MED27: variants seen among roughly 807,000 people sequenced by gnomAD.
The protein encoded by MED27 is mediator complex subunit 27.
Under a neutral mutation model 38.2 loss-of-function variants are expected in MED27, and 30 were observed. The ratio of observed to expected loss-of-function variants is 0.79; its 90% confidence interval spans 0.59 to 1.07. The LOEUF (loss-of-function observed/expected upper bound fraction) is 1.07. MED27 is among the 50% of genes least tolerant of loss of function. The probability of loss-of-function intolerance (pLI) is 0.00; values close to 1 mark genes in which losing one functional copy is unlikely to be tolerated. For synonymous variants in MED27, 122 were observed against 153.5 expected, an observed-to-expected ratio of 0.79 and a Z score of 1.52; for missense variants, 289 against 397.5, an observed-to-expected ratio of 0.73 and a Z score of 2.32.
intron 3 of MED27, among the ~76,000 whole-genome samples, chr9:131,980,642 C>G (rs1286625293): frequency 1.3e-5 from 2 of 152,060 alleles, no homozygotes; most frequent in Non-Finnish European, 2.9e-5. Context: ...GCACAATATT[C>G]CATCATTTTA....
intron 4 of MED27, among the ~76,000 whole-genome samples, chr9:131,936,022 A>C (rs1012952415): frequency 6.6e-6 from 1 of 151,488 alleles, no homozygotes; most frequent in African/African-American, 2.4e-5. Context: ...GGTCCCAGCT[A>C]CTCAGGAGGC....
At chr9:132,026,816 A>G (rs899528910) in intron 2 of MED27, among the ~76,000 whole-genome samples, 2 of 152,120 alleles carry the variant, frequency 1.3e-5, no homozygotes, top group African/African-American at 4.8e-5. Context: ...TGTATACAGG[A>G]CTCACTATGA....
intron 3 of MED27, among the ~76,000 whole-genome samples, chr9:131,961,684 G>A (rs186272440): frequency 3.3e-5 from 5 of 152,342 alleles, no homozygotes; most frequent in South Asian, 2.1e-4. Flanking sequence ...GTGAACTAGC[G>A]AAGGAGCCTC....
intron 2 of MED27, among the ~76,000 whole-genome samples, chr9:132,058,227 C>CTCTG (rs1470793213): frequency 6.6e-6 from 1 of 152,168 alleles, no homozygotes; most frequent in Non-Finnish European, 1.5e-5. Context: ...CTCCCTCTTC[C>CTCTG]TACCTCACAG....
chr9:131,949,179 G>A (rs568338220), intron 3 of MED27, among the ~76,000 whole-genome samples: 1 of 152,188 alleles, frequency 6.6e-6, no homozygotes, highest in East Asian at 1.9e-4. Flanking sequence ...ATTTTTGAGT[G>A]CCTACTCCTC....
intron 2 of MED27, among the ~76,000 whole-genome samples, chr9:132,029,388 T>C (rs1220122155): frequency 3.9e-5 from 6 of 152,218 alleles, no homozygotes; most frequent in Admixed American, 3.9e-4. Context: ...TTGGCAACAT[T>C]TTTTTGCCAT....
intron 3 of MED27, among the ~76,000 whole-genome samples, chr9:131,964,906 T>C (rs1831307505): frequency 6.6e-6 from 1 of 152,228 alleles, no homozygotes; most frequent in Non-Finnish European, 1.5e-5. Context: ...TCAGTTCTTA[T>C]TTTAAACTCA....
At chr9:132,074,988 T>A (rs1254747644) in intron 2 of MED27, among the ~76,000 whole-genome samples, 1 of 152,206 alleles carries the variant, frequency 6.6e-6, no homozygotes, top group Non-Finnish European at 1.5e-5. Context: ...CAATGGTTGA[T>A]TAGTGATGTC....
chr9:132,057,283 T>C (rs1833600994), intron 2 of MED27, among the ~76,000 whole-genome samples: 1 of 152,246 alleles, frequency 6.6e-6, no homozygotes, highest in African/African-American at 2.4e-5. Flanking sequence ...GCAAGGCATG[T>C]GTCCTCCTGT....
At chr9:131,896,974 C>T (rs1242427915) in intron 4 of MED27, among the ~76,000 whole-genome samples, 2 of 152,228 alleles carry the variant, frequency 1.3e-5, no homozygotes, top group South Asian at 2.1e-4. Flanking sequence ...TCATGGTCCG[C>T]CCGCCTTGGC....
chr9:131,976,948 T>G (rs1364806153), intron 3 of MED27, among the ~76,000 whole-genome samples: 1 of 152,210 alleles, frequency 6.6e-6, no homozygotes, highest in East Asian at 1.9e-4. Context: ...ACACGGTTAT[T>G]TCAAGATTCT....
At chr9:132,076,638 CAA>C (rs1030145660) in intron 2 of MED27, among the ~76,000 whole-genome samples, 1 of 152,136 alleles carries the variant, frequency 6.6e-6, no homozygotes, top group Non-Finnish European at 1.5e-5. Flanking sequence ...AACAATTATT[CAA>C]AGAGGCAGCA....
At chr9:131,904,990 G>A (rs1245280320) in intron 4 of MED27, among the ~76,000 whole-genome samples, 3 of 152,172 alleles carry the variant, frequency 2.0e-5, no homozygotes, top group Non-Finnish European at 1.5e-5. Flanking sequence ...CACATAAAAT[G>A]TAAAGAAACA....
chr9:131,900,373 G>A (rs1564275055), intron 4 of MED27, among the ~76,000 whole-genome samples: 1 of 152,242 alleles, frequency 6.6e-6, no homozygotes, highest in Non-Finnish European at 1.5e-5. Context: ...TCACAAGACA[G>A]GAAAGGAAAA....
intron 5 of MED27, among the ~76,000 whole-genome samples, chr9:131,887,154 G>C (rs900385468): frequency 6.6e-6 from 1 of 152,060 alleles, no homozygotes; most frequent in African/African-American, 2.4e-5. Context: ...TTATTTAAAA[G>C]TTAAACATAT....
intron 3 of MED27, among the ~76,000 whole-genome samples, chr9:131,988,565 T>C (rs912228348): frequency 1.3e-5 from 2 of 152,260 alleles, no homozygotes; most frequent in African/African-American, 4.8e-5. Flanking sequence ...TTATTTTCTC[T>C]GGCTTACTTT....
chr9:131,962,161 T>C (rs562642479), intron 3 of MED27, among the ~76,000 whole-genome samples: 3 of 152,342 alleles, frequency 2.0e-5, no homozygotes, highest in South Asian at 2.1e-4. Context: ...CTGATAAGCA[T>C]TGTGAACCAA....
In MED27 at chr9:132,073,419, C is replaced by T. The variant is rs150185597; in HGVS notation, c.348+4023G>A. On this transcript the variant is annotated intron_variant, in intron 2 of 7. Coordinates refer to ENST00000292035, the MANE Select transcript of MED27 (RefSeq NM_004269.4). ...CACTGAATGATTACAGTGTACCAGGCGCCTTGCTAGTTGCTGGGGACTCCC... is the reference window on the plus strand; with the variant it reads ...CACTGAATGATTACAGTGTACCAGGTGCCTTGCTAGTTGCTGGGGACTCCC... 1.1e-4 allele frequency: 120 copies of T among 1,082,950 alleles called. No homozygotes were observed. The Middle Eastern group carries it at 1.2e-3, about 11-fold the overall frequency. The allele number at this position is 1,082,950 out of a possible 1,614,324, so 67.1% of individuals were successfully genotyped here.
intron 6 of MED27, among the ~76,000 whole-genome samples, chr9:131,865,037 C>G (rs1838713050): frequency 6.6e-6 from 1 of 152,248 alleles, no homozygotes; most frequent in Non-Finnish European, 1.5e-5. Flanking sequence ...ACCCTGCATA[C>G]AGCAGGTGCC....
Sources: allele counts gnomAD v4.1 joint callset (sites outside exome capture counted in the v4.1 genomes callset), GRCh38; gene constraint gnomAD v4.1.1; transcripts MANE v1.5; gene names NCBI Gene and HGNC (gene_info 2026-07-23, HGNC 2026-07-21).